KIAA1549L: variants seen among roughly 807,000 people sequenced by gnomAD.
KIAA1549L encodes the protein KIAA1549 like.
In KIAA1549L, 88 loss-of-function variants were observed where a neutral mutation model predicts 160.7. That is an observed-to-expected ratio of 0.55 (90% CI 0.46 to 0.65). KIAA1549L has a LOEUF of 0.65. Ranked by LOEUF, KIAA1549L falls within the 30% of genes least tolerant of loss-of-function variation. The pLI is 0.00. For synonymous variants in KIAA1549L, 950 were observed against 976.7 expected, an observed-to-expected ratio of 0.97 and a Z score of 0.51; for missense variants, 2,258 against 2,437.5, an observed-to-expected ratio of 0.93 and a Z score of 1.55.
intron 17 of KIAA1549L, among the ~76,000 whole-genome samples, chr11:33,650,603 C>T (rs1294479885): frequency 1.3e-5 from 2 of 152,146 alleles, no homozygotes; most frequent in Non-Finnish European, 2.9e-5. Context: ...GTTGCCCGTC[C>T]AGGCAGAGCA....
At chr11:33,622,653 T>C (rs569962172) in intron 16 of KIAA1549L, among the ~76,000 whole-genome samples, 1 of 152,180 alleles carries the variant, frequency 6.6e-6, no homozygotes, top group African/African-American at 2.4e-5. Flanking sequence ...CGCCAGGAGA[T>C]AGAAATTAGC....
chr11:33,567,966 G>A, intron 8 of KIAA1549L, 110 bp from the exon 9 acceptor site: 1 of 1,152,232 alleles, frequency 8.7e-7, no homozygotes, highest in South Asian at 1.7e-5. Context: ...CTAACATGAG[G>A]TAGGACACAG....
Position 33,544,040 on chromosome 11 carries a change from G to A in KIAA1549L, c.2477G>A (p.Arg826Gln), listed in dbSNP as rs377130115. Reference protein sequence around the residue: ...AEVAYYSPTTRHSVSHPQLQL... With the variant: ...AEVAYYSPTTQHSVSHPQLQL... Reference sequence around the variant, plus strand: ...GTTGCATATTACTCACCCACAACTCGACATTCCGTGTCTCATCCTCAGCTA... The same window carrying A: ...GTTGCATATTACTCACCCACAACTCAACATTCCGTGTCTCATCCTCAGCTA... Residue 826 changes from arginine (R) to glutamine (Q), a missense_variant, in exon 2 of 21, where the codon CGA becomes CAA. Physicochemically the swap from Arg to Gln is conservative, Grantham distance 43 (BLOSUM62 1). Around this residue, in one of 6 missense-constraint regions of KIAA1549L, gnomAD observed 287 missense variants for 292.3 expected, o/e 0.98. Coordinates refer to ENST00000658780, the MANE Select transcript of KIAA1549L (RefSeq NM_012194.3). The A allele has an allele frequency of 6.9e-4, 1,112 of 1,613,910 alleles. 18 individuals are homozygous for A. The South Asian group carries it at 0.011, about 17-fold the overall frequency.
intron 1 of KIAA1549L, among the ~76,000 whole-genome samples, chr11:33,430,611 G>A (rs558861564): frequency 1.3e-5 from 2 of 152,310 alleles, no homozygotes; most frequent in South Asian, 2.1e-4. Context: ...TTCTCCCAGA[G>A]CTGTGGAAAC....
At chr11:33,499,047 T>C (rs1323469911) in intron 1 of KIAA1549L, among the ~76,000 whole-genome samples, 1 of 142,572 alleles carries the variant, frequency 7.0e-6, no homozygotes, top group Admixed American at 6.8e-5. Flanking sequence ...TTGTGCTCAG[T>C]TTTTTTTTTT....
At chr11:33,527,202 A>G (rs1326194365) in intron 1 of KIAA1549L, among the ~76,000 whole-genome samples, 1 of 152,250 alleles carries the variant, frequency 6.6e-6, no homozygotes, top group East Asian at 1.9e-4. Context: ...TTCCCAAGAA[A>G]GAAGAGAAAT....
intron 1 of KIAA1549L, among the ~76,000 whole-genome samples, chr11:33,478,237 C>CAGCTGCCAGCAGA (rs1478655448): frequency 6.7e-6 from 1 of 148,650 alleles, no homozygotes; most frequent in East Asian, 2.0e-4. Context: ...CCTGCAGCAG[C>CAGCTGCCAGCAGA]AGCTGCCAGC....
At chr11:33,461,146 G>C (rs1398046864) in intron 1 of KIAA1549L, among the ~76,000 whole-genome samples, 1 of 151,778 alleles carries the variant, frequency 6.6e-6, no homozygotes, top group African/African-American at 2.4e-5. Context: ...CCTAAGAAAT[G>C]GACTTCTTTT....
intron 1 of KIAA1549L, among the ~76,000 whole-genome samples, chr11:33,383,473 C>T (rs943604878): frequency 1.3e-5 from 2 of 152,116 alleles, no homozygotes; most frequent in African/African-American, 4.8e-5. Context: ...ACCAAAGGAG[C>T]AGTTAGCAAT....
chr11:33,437,775 C>T (rs1173303903), intron 1 of KIAA1549L, among the ~76,000 whole-genome samples: 1 of 152,188 alleles, frequency 6.6e-6, no homozygotes, highest in East Asian at 1.9e-4. Flanking sequence ...GTGACCTGAC[C>T]TGACTATTTA....
At chr11:33,652,256 G>A (rs868437567) in intron 17 of KIAA1549L, among the ~76,000 whole-genome samples, 6 of 152,036 alleles carry the variant, frequency 3.9e-5, no homozygotes, top group South Asian at 4.1e-4. Context: ...AAACTAGAAG[G>A]CAAAGACAAG....
At position 33,629,763 on chromosome 11, in the gene KIAA1549L, C is replaced by T. The variant is rs909190517; in HGVS notation, c.5409+11101C>T. On this transcript the variant is annotated intron_variant, in intron 16 of 20. Transcript: ENST00000658780. The stretch of plus-strand genomic sequence containing the variant: ...CTCCCGTAGCTCGGAGTAATTTGAT[C>T]GTCTGAAGCCTTCTTCTCTCAGCTC... Among the ~76,000 whole-genome samples, 27 of 150,802 alleles carry T rather than the reference C, an allele frequency of 1.8e-4. 1 individual carries two copies. Among genetic ancestry groups the T allele is most frequent in the Admixed American group, 3.9e-4 (6 of 15,212 alleles).
At chr11:33,443,810 C>G (rs1013760403) in intron 1 of KIAA1549L, among the ~76,000 whole-genome samples, 17 of 152,044 alleles carry the variant, frequency 1.1e-4, no homozygotes, top group African/African-American at 4.1e-4. Flanking sequence ...CTGTGTGACA[C>G]ATTTAAATTA....
At chr11:33,538,052 A>G (rs1477735326) in intron 1 of KIAA1549L, among the ~76,000 whole-genome samples, 1 of 152,212 alleles carries the variant, frequency 6.6e-6, no homozygotes, top group Non-Finnish European at 1.5e-5. Context: ...ATGGCTGGGG[A>G]GGCCTCAGGA....
At chr11:33,614,080 G>A (rs1319696638) in intron 15 of KIAA1549L, among the ~76,000 whole-genome samples, 3 of 152,124 alleles carry the variant, frequency 2.0e-5, no homozygotes, top group African/African-American at 4.8e-5. Context: ...AAGACACTGT[G>A]GAGCATCCTC....
At chr11:33,558,727 C>T (rs781598543) in intron 6 of KIAA1549L, among the ~76,000 whole-genome samples, 4 of 152,110 alleles carry the variant, frequency 2.6e-5, no homozygotes, top group South Asian at 2.1e-4. Flanking sequence ...AAAAGAAAAC[C>T]GTGCCATCTC....
chr11:33,588,533 A>G (rs1468449114), intron 11 of KIAA1549L, among the ~76,000 whole-genome samples: 1 of 152,216 alleles, frequency 6.6e-6, no homozygotes, highest in Admixed American at 6.5e-5. Flanking sequence ...AGACCGAGGC[A>G]GGAAATAGTG....
chr11:33,468,692 T>A (rs1324521121), intron 1 of KIAA1549L, among the ~76,000 whole-genome samples: 8 of 152,210 alleles, frequency 5.3e-5, no homozygotes, highest in African/African-American at 1.9e-4. Flanking sequence ...TGAATGTTGA[T>A]TAGCATTCTC....
Position 33,647,460 on chromosome 11 carries a change from A to G in KIAA1549L, c.5760+1424A>G, listed in dbSNP as rs1851757831. ...ATTTCCATATTTGAAAAAGCATCCA[A>G]TGACTGAAAGCTTCTGTAATTTACA... On this transcript the variant is annotated intron_variant, in intron 17 of 20. Transcript: ENST00000658780. Among the ~76,000 whole-genome samples the G allele has an allele frequency of 2.0e-5, 3 of 152,236 alleles. No homozygotes were observed. In the South Asian group the frequency reaches 6.2e-4, roughly 32 times the overall value.
Sources: allele counts gnomAD v4.1 joint callset (sites outside exome capture counted in the v4.1 genomes callset), GRCh38; gene constraint gnomAD v4.1.1; regional missense constraint gnomAD v4.1.1; transcripts MANE v1.5; gene names NCBI Gene and HGNC (gene_info 2026-07-23, HGNC 2026-07-21).